The following AFF3 variants were observed in gnomAD, a reference collection of about 807,000 sequenced individuals.
The protein encoded by AFF3 is ALF transcription elongation factor 3.
AFF3 carries 32 observed loss-of-function variants against 129.7 expected under a neutral mutation model. The observed-to-expected ratio is 0.25, with a 90% confidence interval of 0.19 to 0.33. The LOEUF is 0.33. Ranked by LOEUF, AFF3 falls within the 10% of genes least tolerant of loss-of-function variation. The probability of loss-of-function intolerance (pLI) is 1.00; values close to 1 mark genes in which losing one functional copy is unlikely to be tolerated. For synonymous variants in AFF3, 644 were observed against 635.4 expected, an observed-to-expected ratio of 1.01 and a Z score of -0.20; for missense variants, 1,373 against 1,592.0, an observed-to-expected ratio of 0.86 and a Z score of 2.34.
chr2:99,831,465 C>T (rs770060571), intron 8 of AFF3, among the ~76,000 whole-genome samples: 8 of 152,090 alleles, frequency 5.3e-5, no homozygotes, highest in Admixed American at 2.0e-4. Flanking sequence ...ATTTCACTGT[C>T]GGAGAAGAAC....
chr2:99,787,907 T>A (rs1298603822), intron 8 of AFF3, among the ~76,000 whole-genome samples: 9 of 152,196 alleles, frequency 5.9e-5, no homozygotes, highest in Non-Finnish European at 1.3e-4. Context: ...TGAAATCAGA[T>A]AATGCACAGT....
chr2:99,604,009 C>T lies in AFF3; in HGVS notation c.1185-2388G>A, dbSNP rs140108865. On this transcript the variant is annotated intron_variant, in intron 13 of 24. Coordinates refer to ENST00000672756, the MANE Select transcript of AFF3 (RefSeq NM_001386135.1). Reference sequence around the variant, plus strand: ...GGCGAGGTTGTGGAGAAAAAGGAACCCTTATACACTGGTAGAAGTGTAAAT... The same window carrying T: ...GGCGAGGTTGTGGAGAAAAAGGAACTCTTATACACTGGTAGAAGTGTAAAT... 1.1e-3 allele frequency among the ~76,000 whole-genome samples: 168 copies of T among 152,124 alleles called. 1 individual carries two copies. Among genetic ancestry groups the T allele is most frequent in the African/African-American group, 3.9e-3 (160 of 41,522 alleles).
intron 7 of AFF3, among the ~76,000 whole-genome samples, chr2:99,885,187 G>T (rs1323204457): frequency 6.6e-6 from 1 of 152,082 alleles, no homozygotes; most frequent in African/African-American, 2.4e-5. Flanking sequence ...GTCTACAGGC[G>T]TTCCTATTGG....
chr2:99,976,657 G>A (rs1487638846), intron 7 of AFF3, among the ~76,000 whole-genome samples: 1 of 152,128 alleles, frequency 6.6e-6, no homozygotes, highest in African/African-American at 2.4e-5. Flanking sequence ...GCAAATTCCA[G>A]CCCCCACTAA....
intron 14 of AFF3, among the ~76,000 whole-genome samples, chr2:99,595,004 T>C (rs1433237603): frequency 6.6e-6 from 1 of 152,228 alleles, no homozygotes; most frequent in East Asian, 1.9e-4. Context: ...TTAGAGCAAC[T>C]CATGAAAGTC....
At chr2:99,725,013 C>T (rs1394903967) in intron 11 of AFF3, among the ~76,000 whole-genome samples, 1 of 152,034 alleles carries the variant, frequency 6.6e-6, no homozygotes, top group Non-Finnish European at 1.5e-5. Flanking sequence ...CTCTGTCACC[C>T]AGGCTGGAGT....
intron 4 of AFF3, among the ~76,000 whole-genome samples, chr2:100,041,690 C>T (rs1476349980): frequency 1.3e-5 from 2 of 152,052 alleles, no homozygotes; most frequent in Non-Finnish European, 2.9e-5. Flanking sequence ...CAATTTATGC[C>T]CACACATAGA....
At chr2:99,918,742 A>T (rs77568220) in intron 7 of AFF3, among the ~76,000 whole-genome samples, 3,949 of 152,300 alleles carry the variant, frequency 0.026, 162 homozygotes, top group African/African-American at 0.088. Flanking sequence ...ACTTGAAACC[A>T]AAACCCAGTA....
At position 99,551,425 on chromosome 2, in the gene AFF3, T is replaced by C; in HGVS notation, c.*49A>G. Reference sequence around the variant, plus strand: ...TCAGTAGCACAGTGTCCAAAAACGTTGAGCCATCTGTGGAGACCAGAGCCC... The same window carrying C: ...TCAGTAGCACAGTGTCCAAAAACGTCGAGCCATCTGTGGAGACCAGAGCCC... On this transcript the variant is annotated 3_prime_UTR_variant, in exon 25 of 25. Coordinates refer to ENST00000672756, the MANE Select transcript of AFF3 (RefSeq NM_001386135.1). 1 of 1,608,144 alleles carries C rather than the reference T, an allele frequency of 6.2e-7. No individual in the cohort carries two copies.
intron 8 of AFF3, among the ~76,000 whole-genome samples, chr2:99,768,876 C>T (rs988712528): frequency 6.6e-6 from 1 of 152,178 alleles, no homozygotes; most frequent in Non-Finnish European, 1.5e-5. Context: ...TGTACTGGAG[C>T]ACCATAGTAT....
At chr2:99,552,515 G>C (rs1200698291) in intron 24 of AFF3, among the ~76,000 whole-genome samples, 1 of 152,200 alleles carries the variant, frequency 6.6e-6, no homozygotes, top group Non-Finnish European at 1.5e-5. Context: ...GGCTGATAGA[G>C]GAAAACACAT....
chr2:99,999,945 C>T (rs1681227056), intron 7 of AFF3, among the ~76,000 whole-genome samples: 1 of 152,216 alleles, frequency 6.6e-6, no homozygotes, highest in Non-Finnish European at 1.5e-5. Context: ...CCACAGCCCA[C>T]CCTTTGGTCA....
intron 13 of AFF3, among the ~76,000 whole-genome samples, chr2:99,620,623 T>G (rs1004512831): frequency 4.6e-5 from 7 of 152,198 alleles, no homozygotes; most frequent in African/African-American, 1.7e-4. Context: ...AGTGAGGACC[T>G]GTCTCCAAAA....
chr2:99,750,238 T>C (rs962078867), intron 9 of AFF3, among the ~76,000 whole-genome samples: 4 of 152,078 alleles, frequency 2.6e-5, no homozygotes, highest in African/African-American at 9.7e-5. Context: ...TAATGGGTAA[T>C]GAACAGGCAA....
intron 2 of AFF3, among the ~76,000 whole-genome samples, chr2:100,127,469 G>C (rs72819179): frequency 6.6e-6 from 1 of 152,046 alleles, no homozygotes; most frequent in Non-Finnish European, 1.5e-5. Context: ...CTAGCCTGGG[G>C]TGGGGAAATG....
At chr2:99,918,930 C>T (rs1439965529) in intron 7 of AFF3, among the ~76,000 whole-genome samples, 3 of 152,094 alleles carry the variant, frequency 2.0e-5, no homozygotes, top group African/African-American at 7.2e-5. Flanking sequence ...ACTATATTCC[C>T]CCATCTCCCC....
intron 7 of AFF3, among the ~76,000 whole-genome samples, chr2:99,909,247 A>T (rs1404986343): frequency 6.6e-6 from 1 of 151,448 alleles, no homozygotes; most frequent in African/African-American, 2.4e-5. Flanking sequence ...CAAAAAAACC[A>T]AACACCGCAT....
At chr2:99,684,509 A>C (rs975050730) in intron 11 of AFF3, among the ~76,000 whole-genome samples, 11 of 152,228 alleles carry the variant, frequency 7.2e-5, no homozygotes, top group Non-Finnish European at 1.3e-4. Flanking sequence ...CGTGAAGAGG[A>C]GAAAAAGACT....
intron 4 of AFF3, among the ~76,000 whole-genome samples, chr2:100,092,791 C>T (rs1020375424): frequency 6.6e-6 from 1 of 151,886 alleles, no homozygotes; most frequent in Admixed American, 6.6e-5. Flanking sequence ...TCAGATGTCA[C>T]TTTCTCTAGG....
Sources: gnomAD v4.1 joint callset for allele counts (sites outside exome capture counted in the v4.1 genomes callset) on GRCh38, gnomAD v4.1.1 for gene constraint, MANE v1.5 for transcripts, NCBI Gene and HGNC (gene_info 2026-07-23, HGNC 2026-07-21) for gene names.